GRM7: variants seen among roughly 807,000 people sequenced by gnomAD.
GRM7 encodes metabotropic glutamate receptor 7.
A neutral mutation model predicts 84.5 loss-of-function variants in GRM7; 35 were observed. The observed-to-expected ratio is 0.41, with a 90% CI of 0.32 to 0.55. The LOEUF (loss-of-function observed/expected upper bound fraction) is 0.55. Among genes scored for constraint, GRM7 ranks in the 20% least tolerant of loss-of-function variants. The probability of loss-of-function intolerance (pLI) is 0.19; values close to 1 mark genes in which losing one functional copy is unlikely to be tolerated. For synonymous variants in GRM7, 487 were observed against 455.1 expected (o/e 1.07, Z -0.89); for missense variants, 1,003 against 1,194.6 (o/e 0.84, Z 2.36).
At chr3:6,986,589 T>G (rs184198498) in intron 1 of GRM7, among the ~76,000 whole-genome samples, 1 of 152,194 alleles carries the variant, frequency 6.6e-6, no homozygotes, top group African/African-American at 2.4e-5. Flanking sequence ...AATCTTGGAA[T>G]TAACTGTGAT....
chr3:7,555,390 T>C (rs1363040298), intron 7 of GRM7, among the ~76,000 whole-genome samples: 1 of 152,178 alleles, frequency 6.6e-6, no homozygotes, highest in Non-Finnish European at 1.5e-5. Context: ...CTATAGAATC[T>C]CTTCCCCTAA....
chr3:7,074,216 A>G (rs1307274330), intron 1 of GRM7, among the ~76,000 whole-genome samples: 2 of 152,164 alleles, frequency 1.3e-5, no homozygotes, highest in African/African-American at 2.4e-5. Context: ...TCATTATTCC[A>G]GTTGTGTAGC....
chr3:7,520,796 G>A (rs184236985), intron 7 of GRM7, among the ~76,000 whole-genome samples: 3 of 152,282 alleles, frequency 2.0e-5, no homozygotes, highest in South Asian at 2.1e-4. Flanking sequence ...TCCAACTTGT[G>A]TATTTTCCTG....
chr3:7,172,104 G>A lies in GRM7; in HGVS notation c.736+25436G>A, dbSNP rs1045903931. On this transcript the variant is annotated intron_variant, in intron 2 of 9. Transcript: ENST00000357716. ...TTTCCATGTATATTGTTTTAGCACG[G>A]GATTTTCAAAATAATACAGTGTCAG... Among the ~76,000 whole-genome samples the A allele has an allele frequency of 2.3e-4, 35 of 152,160 alleles. 3 individuals are homozygous for A. Among genetic ancestry groups the A allele is most frequent in the Admixed American group, 1.3e-3 (20 of 15,286 alleles).
chr3:7,250,463 G>A (rs1460782147), intron 2 of GRM7, among the ~76,000 whole-genome samples: 2 of 151,586 alleles, frequency 1.3e-5, no homozygotes. Context: ...ATATATATAT[G>A]TGTGTGCCTA....
rs35042061 is a variant in GRM7, at chr3:7,682,539, T to TACAC, written c.2698+2274_2698+2277dup. On this transcript the variant is annotated intron_variant, in intron 9 of 9. Transcript: ENST00000357716. ...TATTCCAATAACAGCTTTATTTTTG[T>TACAC]ACACACACACACACACACACACACA... is the stretch of plus-strand genomic sequence containing the variant. 2.9e-3 allele frequency among the ~76,000 whole-genome samples: 347 copies of TACAC among 117,876 alleles called. 2 individuals carry two copies. Among genetic ancestry groups the TACAC allele is most frequent in the African/African-American group, 8.7e-3 (246 of 28,354 alleles). 77.3% of individuals were successfully genotyped at this position (117,876 alleles called of 152,430 possible).
At chr3:6,885,401 G>A (rs1695652663) in intron 1 of GRM7, among the ~76,000 whole-genome samples, 1 of 152,184 alleles carries the variant, frequency 6.6e-6, no homozygotes, top group African/African-American at 2.4e-5. Flanking sequence ...GTAACTTCCG[G>A]GTTGTCCAGG....
chr3:7,165,633 A>C (rs891824436), intron 2 of GRM7, among the ~76,000 whole-genome samples: 11 of 152,252 alleles, frequency 7.2e-5, no homozygotes, highest in African/African-American at 2.7e-4. Flanking sequence ...CTATACAGCT[A>C]ATCAAAATAC....
intron 2 of GRM7, among the ~76,000 whole-genome samples, chr3:7,267,433 G>T: frequency 6.6e-6 from 1 of 152,190 alleles, no homozygotes; most frequent in Admixed American, 6.5e-5. Flanking sequence ...GTAGCAATTG[G>T]TATTCTAATC....
chr3:7,296,116 G>T (rs116140052), intron 2 of GRM7, among the ~76,000 whole-genome samples: 1,696 of 151,686 alleles, frequency 0.011, 36 homozygotes, highest in African/African-American at 0.035. Flanking sequence ...AGAGAATTTT[G>T]TTAAGTACTT....
intron 7 of GRM7, among the ~76,000 whole-genome samples, chr3:7,567,275 G>T (rs1694328281): frequency 6.6e-6 from 1 of 152,234 alleles, no homozygotes; most frequent in Non-Finnish European, 1.5e-5. Flanking sequence ...TCATAATAGA[G>T]TATAACTAAG....
At chr3:6,979,326 G>T (rs1447995064) in intron 1 of GRM7, among the ~76,000 whole-genome samples, 1 of 152,136 alleles carries the variant, frequency 6.6e-6, no homozygotes, top group African/African-American at 2.4e-5. Context: ...GGACTACCCT[G>T]CAAGCCAAGG....
At chr3:7,163,652 G>T (rs536796816) in intron 2 of GRM7, among the ~76,000 whole-genome samples, 1 of 152,202 alleles carries the variant, frequency 6.6e-6, no homozygotes, top group Admixed American at 6.5e-5. Flanking sequence ...AGGGTGGTTG[G>T]GAACACCTCT....
chr3:7,259,951 C>CTTTTTTTTTTTTTTT (rs1559534237), intron 2 of GRM7, among the ~76,000 whole-genome samples: 4 of 13,426 alleles, frequency 3.0e-4, no homozygotes, highest in African/African-American at 2.2e-3. Context: ...TTACCAGCAT[C>CTTTTTTTTTTTTTTT]TGTTTTTTTT....
rs1695979117 is a variant in GRM7, at chr3:7,412,406, A to G, written c.1034-2617A>G. Among the ~76,000 whole-genome samples, 3 of 152,272 alleles carry G rather than the reference A, an allele frequency of 2.0e-5. No individual in the cohort carries two copies. The South Asian group carries it at 6.2e-4, about 32-fold the overall frequency. On this transcript the variant is annotated intron_variant, in intron 4 of 9. Transcript: ENST00000357716. ...CTGTGTCCTCTGACCCCCTCTTGAC[A>G]TTCTGATAGGTTTCCCTTCATACCA...
At chr3:7,426,639 G>T (rs2124839309) in intron 5 of GRM7, among the ~76,000 whole-genome samples, 2 of 152,210 alleles carry the variant, frequency 1.3e-5, no homozygotes, top group South Asian at 4.2e-4. Context: ...AGAGACACTT[G>T]CCTGTTTGTG....
intron 1 of GRM7, among the ~76,000 whole-genome samples, chr3:7,113,417 A>G (rs532298225): frequency 2.6e-5 from 4 of 152,210 alleles, no homozygotes; most frequent in African/African-American, 9.6e-5. Flanking sequence ...ATTTGTTCCA[A>G]TGTATTATTT....
intron 2 of GRM7, among the ~76,000 whole-genome samples, chr3:7,212,580 C>T (rs1355983294): frequency 6.6e-6 from 1 of 152,056 alleles, no homozygotes; most frequent in African/African-American, 2.4e-5. Flanking sequence ...AACCTGGTCT[C>T]TCGGGAATAC....
chr3:7,376,455 T>C (rs936820544), intron 4 of GRM7, among the ~76,000 whole-genome samples: 3 of 152,196 alleles, frequency 2.0e-5, no homozygotes, highest in African/African-American at 7.2e-5. Context: ...CTAGGAGACC[T>C]GCTCCGTAGA....
Sources: allele counts gnomAD v4.1 joint callset (sites outside exome capture counted in the v4.1 genomes callset), GRCh38; gene constraint gnomAD v4.1.1; transcripts MANE v1.5; gene names NCBI Gene and HGNC (gene_info 2026-07-23, HGNC 2026-07-21).